Variants in NALF1 observed in about 807,000 individuals in gnomAD.
NALF1 encodes NALCN channel auxiliary factor 1.
NALF1 carries 3 observed loss-of-function variants against 48.4 expected under a neutral mutation model. The observed-to-expected ratio is 0.06, with a 90% CI of 0.03 to 0.16. The LOEUF (loss-of-function observed/expected upper bound fraction) is 0.16. NALF1 is among the 10% of genes least tolerant of loss of function. NALF1 has a pLI of 1.00. For missense variants in NALF1, 526 were observed against 571.5 expected (o/e 0.92, Z 0.81); for synonymous variants, 262 against 245.7 (o/e 1.07, Z -0.62).
chr13:107,582,479 T>G (rs961583643), intron 1 of NALF1, among the ~76,000 whole-genome samples: 3 of 152,136 alleles, frequency 2.0e-5, no homozygotes, highest in African/African-American at 7.2e-5. Flanking sequence ...AAGATAACCC[T>G]TGCAAACTAT....
intron 1 of NALF1, among the ~76,000 whole-genome samples, chr13:107,799,813 T>C (rs1230405800): frequency 1.3e-5 from 2 of 152,094 alleles, no homozygotes; most frequent in African/African-American, 4.8e-5. Flanking sequence ...TCCCTTTACT[T>C]TGTAGAGGAA....
chr13:107,444,778 C>T (rs914160318), intron 1 of NALF1, among the ~76,000 whole-genome samples: 2 of 152,026 alleles, frequency 1.3e-5, no homozygotes, highest in African/African-American at 2.4e-5. Flanking sequence ...ATTTTTAGTA[C>T]TTAACTTTTT....
intron 1 of NALF1, among the ~76,000 whole-genome samples, chr13:107,277,970 G>A (rs1566472548): frequency 1.3e-5 from 2 of 152,122 alleles, no homozygotes; most frequent in Non-Finnish European, 2.9e-5. Context: ...CTCTGACCTT[G>A]CTGCTTTAAT....
chr13:107,484,580 G>A (rs1436443140), intron 1 of NALF1, among the ~76,000 whole-genome samples: 2 of 152,090 alleles, frequency 1.3e-5, no homozygotes, highest in Non-Finnish European at 2.9e-5. Context: ...GATTCCCAGT[G>A]CCATCCAACA....
At chr13:107,449,326 G>C (rs1044209100) in intron 1 of NALF1, among the ~76,000 whole-genome samples, 3 of 152,104 alleles carry the variant, frequency 2.0e-5, no homozygotes, top group Non-Finnish European at 4.4e-5. Flanking sequence ...TGTGAAACTG[G>C]AACAAGAAGA....
At chr13:107,770,038 G>C (rs1249922073) in intron 1 of NALF1, among the ~76,000 whole-genome samples, 1 of 152,050 alleles carries the variant, frequency 6.6e-6, no homozygotes, top group Non-Finnish European at 1.5e-5. Flanking sequence ...TCAGCCTCCT[G>C]AGTAGCTGGG....
In NALF1 at chr13:107,860,101, T is replaced by C. The variant is rs184766352; in HGVS notation, c.915+5581A>G. Among the ~76,000 whole-genome samples, 697 of 152,048 alleles carry C rather than the reference T, an allele frequency of 4.6e-3. 2 individuals carry two copies. The highest frequency in any genetic ancestry group is 8.5e-3 in the Admixed American group (130 of 15,254). ...TGATATTACAACCTTGGCTAAAACA[T>C]AGAAAATCCATAGTTGCCTGACACA... On this transcript the variant is annotated intron_variant, in intron 1 of 2. Transcript: ENST00000375915.
At chr13:107,340,738 CAATGT>C (rs1882664869) in intron 1 of NALF1, among the ~76,000 whole-genome samples, 2 of 152,042 alleles carry the variant, frequency 1.3e-5, no homozygotes, top group Non-Finnish European at 2.9e-5. Context: ...TTTTCAGTTT[CAATGT>C]TTCAATATTT....
rs150929789 is a variant in NALF1 at position 107,393,858 on chromosome 13, T to G, written c.916-183103A>C. 3.8e-3 allele frequency among the ~76,000 whole-genome samples: 583 copies of G among 152,066 alleles called. 3 individuals are homozygous for G. Among genetic ancestry groups the G allele is most frequent in the African/African-American group, 0.013 (540 of 41,494 alleles). Reference sequence around the variant, plus strand: ...CAGTTTACATAAAAATTGATAAAAATGAAAAAATAACATAATATTTCTGCA... The same window carrying G: ...CAGTTTACATAAAAATTGATAAAAAGGAAAAAATAACATAATATTTCTGCA... On this transcript the variant is annotated intron_variant, in intron 1 of 2. Transcript: ENST00000375915.
chr13:107,570,341 T>A (rs1386072618), intron 1 of NALF1, among the ~76,000 whole-genome samples: 4 of 152,048 alleles, frequency 2.6e-5, no homozygotes, highest in Admixed American at 6.6e-5. Context: ...ATTGATGTTT[T>A]TAATAAAGCT....
chr13:107,168,017 G>A lies in NALF1; in HGVS notation c.*2480C>T, dbSNP rs1878702613. ...ATAATTTATTGTCATACCAATAAAA[G>A]TGAGTGGAATTTGCACTTGCATTGT... On this transcript the variant is annotated 3_prime_UTR_variant, in exon 3 of 3. Coordinates refer to ENST00000375915, the MANE Select transcript of NALF1 (RefSeq NM_001080396.3). The A allele has an allele frequency of 1.3e-5, 2 of 152,238 alleles. No homozygotes were observed. Among genetic ancestry groups the A allele is most frequent in the South Asian group, 4.1e-4 (2 of 4,830 alleles). 9.4% of individuals were successfully genotyped at this position (152,238 alleles called of 1,614,324 possible).
chr13:107,166,719 C>T lies in NALF1; in HGVS notation c.*3778G>A, dbSNP rs1326233430. The T allele has an allele frequency of 6.6e-6, 1 of 152,056 alleles. No individual in the cohort carries two copies. Among genetic ancestry groups the T allele is most frequent in the Non-Finnish European group, 1.5e-5 (1 of 68,016 alleles). The allele number at this position is 152,056 out of a possible 1,614,324, so 9.4% of individuals were successfully genotyped here. ...GGAAAAAAGTATGTACTTATTCATT[C>T]ATATGAAACCTCCTTTCCCCCTCAT... On this transcript the variant is annotated 3_prime_UTR_variant, in exon 3 of 3. Coordinates refer to ENST00000375915, the MANE Select transcript of NALF1 (RefSeq NM_001080396.3).
intron 1 of NALF1, among the ~76,000 whole-genome samples, chr13:107,848,664 G>A (rs369566623): frequency 1.3e-5 from 2 of 152,072 alleles, no homozygotes; most frequent in Non-Finnish European, 2.9e-5. Flanking sequence ...GTGTCTCTCC[G>A]TGGCACTTCA....
intron 1 of NALF1, among the ~76,000 whole-genome samples, chr13:107,750,368 A>G (rs1482324123): frequency 1.3e-5 from 2 of 152,222 alleles, no homozygotes; most frequent in African/African-American, 2.4e-5. Context: ...CAGAAAATAC[A>G]GGAAGCTATG....
chr13:107,520,889 C>T (rs1041687447), intron 1 of NALF1, among the ~76,000 whole-genome samples: 2 of 152,116 alleles, frequency 1.3e-5, no homozygotes, highest in African/African-American at 4.8e-5. Flanking sequence ...TGACCTCTGA[C>T]CCTGAGAGTC....
intron 1 of NALF1, among the ~76,000 whole-genome samples, chr13:107,423,899 C>G (rs552650836): frequency 6.6e-6 from 1 of 152,158 alleles, no homozygotes; most frequent in South Asian, 2.1e-4. Context: ...TATTAATCTT[C>G]AAATTATTTA....
intron 1 of NALF1, among the ~76,000 whole-genome samples, chr13:107,848,381 G>A (rs937711883): frequency 6.6e-6 from 1 of 152,180 alleles, no homozygotes; most frequent in Non-Finnish European, 1.5e-5. Context: ...TATAAATGCA[G>A]AGTAAATGAT....
At chr13:107,328,315 CTT>C (rs1054247037) in intron 1 of NALF1, among the ~76,000 whole-genome samples, 25 of 145,434 alleles carry the variant, frequency 1.7e-4, no homozygotes, top group African/African-American at 6.2e-4. Context: ...CACACACACA[CTT>C]TTGTTTGGCT....
chr13:107,379,465 T>C (rs999912901), intron 1 of NALF1, among the ~76,000 whole-genome samples: 8 of 152,192 alleles, frequency 5.3e-5, no homozygotes, highest in Non-Finnish European at 1.0e-4. Context: ...TTTACATTTT[T>C]CTGAGAGTTC....
Sources: gnomAD v4.1 joint callset for allele counts (sites outside exome capture counted in the v4.1 genomes callset) on GRCh38, gnomAD v4.1.1 for gene constraint, MANE v1.5 for transcripts, NCBI Gene and HGNC (gene_info 2026-07-23, HGNC 2026-07-21) for gene names.